CADPS2: variants seen among roughly 807,000 people sequenced by gnomAD.
The protein encoded by CADPS2 is calcium-dependent secretion activator 2.
CADPS2 carries 93 observed loss-of-function variants against 172.5 expected under a neutral mutation model. The observed-to-expected ratio is 0.54, with a 90% confidence interval of 0.46 to 0.64. The LOEUF (loss-of-function observed/expected upper bound fraction) is 0.64, where lower values mean the gene tolerates loss of function less well. Among genes scored for constraint, CADPS2 ranks in the 30% least tolerant of loss-of-function variants. The probability of loss-of-function intolerance (pLI) is 0.00; values close to 1 mark genes in which losing one functional copy is unlikely to be tolerated. For synonymous variants in CADPS2, 546 were observed against 555.2 expected, an observed-to-expected ratio of 0.98 and a Z score of 0.23; for missense variants, 1,420 against 1,565.9, an observed-to-expected ratio of 0.91 and a Z score of 1.57.
At chr7:122,589,312 A>G (rs2070341539) in intron 6 of CADPS2, among the ~76,000 whole-genome samples, 1 of 152,034 alleles carries the variant, frequency 6.6e-6, no homozygotes, top group African/African-American at 2.4e-5. Context: ...AGAGAAATAC[A>G]AAAAGCCTGA....
intron 7 of CADPS2, among the ~76,000 whole-genome samples, chr7:122,580,520 A>G (rs2068671293): frequency 6.6e-6 from 1 of 152,102 alleles, no homozygotes; most frequent in East Asian, 1.9e-4. Context: ...CTACTCAATT[A>G]GAACACCTAC....
At chr7:122,837,754 C>A (rs1034922604) in intron 1 of CADPS2, among the ~76,000 whole-genome samples, 1 of 152,114 alleles carries the variant, frequency 6.6e-6, no homozygotes, top group Non-Finnish European at 1.5e-5. Context: ...CTGAATAGAC[C>A]AATAACAGGC....
At chr7:122,816,662 G>C (rs1276848387) in intron 1 of CADPS2, among the ~76,000 whole-genome samples, 1 of 152,180 alleles carries the variant, frequency 6.6e-6, no homozygotes, top group African/African-American at 2.4e-5. Context: ...ACTGTAGGAA[G>C]AGTTCCCCTT....
chr7:122,543,177 T>A (rs887821255), intron 8 of CADPS2, among the ~76,000 whole-genome samples: 2 of 152,130 alleles, frequency 1.3e-5, no homozygotes, highest in Non-Finnish European at 1.5e-5. Context: ...TCTTTCCAAA[T>A]GGATGCCAAA....
chr7:122,685,296 A>G (rs2083492648), intron 2 of CADPS2, among the ~76,000 whole-genome samples: 1 of 152,226 alleles, frequency 6.6e-6, no homozygotes, highest in African/African-American at 2.4e-5. Flanking sequence ...ACATCTGCAA[A>G]GTTGTTTCCA....
At chr7:122,702,471 T>C (rs779385720) in intron 2 of CADPS2, 1 of 1,613,648 alleles carries the variant, frequency 6.2e-7, no homozygotes, top group African/African-American at 1.3e-5. Flanking sequence ...TGTTTGGGCC[T>C]GCTGAAATTG....
At chr7:122,535,716 A>G (rs964126141) in intron 8 of CADPS2, among the ~76,000 whole-genome samples, 1 of 152,094 alleles carries the variant, frequency 6.6e-6, no homozygotes, top group Non-Finnish European at 1.5e-5. Flanking sequence ...TCATGCAAAT[A>G]GATCTTGTTT....
At chr7:122,441,713 GA>G in intron 15 of CADPS2, 138 bp from the exon 16 acceptor site, 3 of 479,818 alleles carry the variant, frequency 6.3e-6, no homozygotes, top group Non-Finnish European at 1.1e-5. Flanking sequence ...CTCATCCAGG[GA>G]AATTTTAACT....
chr7:122,341,750 C>T (rs563991063), intron 28 of CADPS2, among the ~76,000 whole-genome samples: 10 of 152,168 alleles, frequency 6.6e-5, no homozygotes, highest in Admixed American at 5.2e-4. Flanking sequence ...ATGGGATTGA[C>T]GGGATCTAGC....
At chr7:122,729,657 C>A (rs1199442778) in intron 2 of CADPS2, among the ~76,000 whole-genome samples, 2 of 145,484 alleles carry the variant, frequency 1.4e-5, no homozygotes, top group Non-Finnish European at 3.0e-5. Context: ...CTATTTATGC[C>A]CTTTGCCCAT....
rs185641093 is a variant in CADPS2 at position 122,645,579 on chromosome 7, T to C, written c.787-16251A>G. ...TTAGAGAATATATATGCATATTCTC[T>C]AGGCTATAGAGATTATATATATATA... On this transcript the variant is annotated intron_variant, in intron 3 of 29. Coordinates refer to ENST00000449022, the MANE Select transcript of CADPS2 (RefSeq NM_017954.11). Among the ~76,000 whole-genome samples, 100 of 122,920 alleles carry C rather than the reference T, an allele frequency of 8.1e-4. 2 individuals are homozygous for C. Among genetic ancestry groups the C allele is most frequent in the Non-Finnish European group, 2.9e-4 (17 of 58,782 alleles). 80.6% of individuals were successfully genotyped at this position (122,920 alleles called of 152,430 possible).
intron 1 of CADPS2, among the ~76,000 whole-genome samples, chr7:122,879,498 G>A (rs1478150605): frequency 6.6e-6 from 1 of 151,798 alleles, no homozygotes; most frequent in Non-Finnish European, 1.5e-5. Flanking sequence ...TCACACCACT[G>A]CACTCTAGCC....
chr7:122,854,624 G>A lies in CADPS2; in HGVS notation c.339+31375C>T, dbSNP rs1004963223. Among the ~76,000 whole-genome samples, 4 of 152,322 alleles carry A rather than the reference G, an allele frequency of 2.6e-5. No individual in the cohort carries two copies. In the East Asian group the frequency reaches 7.7e-4, roughly 29 times the overall value. On this transcript the variant is annotated intron_variant, in intron 1 of 29. Transcript: ENST00000449022. ...ATGCAAGGACAAGAGAGGCTCCCGT[G>A]AGCAACCTCAGGACTAATGCTTTTT... is the stretch of plus-strand genomic sequence containing the variant.
chr7:122,607,831 T>C (rs951433433), intron 6 of CADPS2, among the ~76,000 whole-genome samples: 4 of 152,128 alleles, frequency 2.6e-5, no homozygotes, highest in African/African-American at 7.2e-5. Context: ...TTTATTTATA[T>C]AAAAAGAAGC....
chr7:122,473,336 T>C (rs1301818265), intron 13 of CADPS2, among the ~76,000 whole-genome samples: 1 of 152,188 alleles, frequency 6.6e-6, no homozygotes, highest in Non-Finnish European at 1.5e-5. Flanking sequence ...ACCACGTGGC[T>C]GCGCCAGAGT....
At chr7:122,811,022 C>A (rs536257517) in intron 1 of CADPS2, among the ~76,000 whole-genome samples, 2 of 152,094 alleles carry the variant, frequency 1.3e-5, no homozygotes, top group Non-Finnish European at 2.9e-5. Context: ...AAGCAAGATC[C>A]CTTTGGTAAA....
intron 13 of CADPS2, among the ~76,000 whole-genome samples, chr7:122,473,307 T>C (rs938736969): frequency 6.6e-6 from 1 of 152,194 alleles, no homozygotes; most frequent in African/African-American, 2.4e-5. Context: ...TTCCTTTTTC[T>C]GTCTATAAAG....
intron 24 of CADPS2, among the ~76,000 whole-genome samples, chr7:122,381,632 A>AATC (rs1409309842): frequency 6.6e-6 from 1 of 152,116 alleles, no homozygotes; most frequent in Non-Finnish European, 1.5e-5. Context: ...TTTTCTTGAA[A>AATC]AGCAGTGAAA....
chr7:122,683,526 G>A (rs2083289445), intron 2 of CADPS2, among the ~76,000 whole-genome samples: 1 of 151,998 alleles, frequency 6.6e-6, no homozygotes, highest in South Asian at 2.1e-4. Context: ...TATATATTAT[G>A]GGGTACAACG....
Sources: allele counts gnomAD v4.1 joint callset (sites outside exome capture counted in the v4.1 genomes callset), GRCh38; gene constraint gnomAD v4.1.1; transcripts MANE v1.5; gene names NCBI Gene and HGNC (gene_info 2026-07-23, HGNC 2026-07-21).